Variants in ZFPM1 observed in about 807,000 individuals in gnomAD.
ZFPM1 encodes zinc finger protein ZFPM1.
Under a neutral mutation model 46.3 loss-of-function variants are expected in ZFPM1, and 28 were observed. The ratio of observed to expected loss-of-function variants is 0.60; its 90% confidence interval spans 0.45 to 0.83. The LOEUF is 0.83. Among genes scored for constraint, ZFPM1 ranks in the 40% least tolerant of loss-of-function variants. ZFPM1 has a pLI of 0.00. For synonymous variants in ZFPM1, 957 were observed against 675.9 expected (o/e 1.42, Z -6.45); for missense variants, 1,878 against 1,432.4 (o/e 1.31, Z -5.02).
At chr16:88,495,268 A>G (rs879719302) in intron 3 of ZFPM1, among the ~76,000 whole-genome samples, 3 of 152,196 alleles carry the variant, frequency 2.0e-5, no homozygotes, top group East Asian at 1.9e-4. Flanking sequence ...CTGGGCCACA[A>G]GGAAACAGGT....
intron 3 of ZFPM1, among the ~76,000 whole-genome samples, chr16:88,502,809 G>A (rs1386409218): frequency 6.6e-6 from 1 of 152,254 alleles, no homozygotes; most frequent in Non-Finnish European, 1.5e-5. Context: ...AATTTTTGCT[G>A]TCTTGCCACG....
intron 3 of ZFPM1, chr16:88,489,443 T>C: frequency 2.7e-6 from 1 of 367,566 alleles, no homozygotes; most frequent in Non-Finnish European, 4.9e-6. Flanking sequence ...GAGTGGTGGC[T>C]GGTAAAGAAT....
At chr16:88,483,996 C>T (rs1380942513) in intron 1 of ZFPM1, among the ~76,000 whole-genome samples, 1 of 152,224 alleles carries the variant, frequency 6.6e-6, no homozygotes, top group Admixed American at 6.5e-5. Context: ...TGGCGTTGGA[C>T]GCTGGCGGGT....
rs1202056905 is a variant in ZFPM1 at position 88,532,695 on chromosome 16, C to T, written c.1028C>T (p.Thr343Met). 6.2e-7 allele frequency: 1 copy of T among 1,610,538 alleles called. No individual in the cohort carries two copies. Among genetic ancestry groups the T allele is most frequent in the East Asian group, 2.2e-5 (1 of 44,772 alleles). The change falls in exon 8 of 10, where the codon ACG becomes ATG. Residue 343 changes from threonine to methionine, a missense_variant. Coordinates refer to ENST00000319555, the MANE Select transcript of ZFPM1 (RefSeq NM_153813.3). ...TGCGAGCGGCACCTCAAGGTGCACA[C>T]GGACACGCTGAGCGGTAGGCACCGC... is the stretch of plus-strand genomic sequence containing the variant. ...ANCERHLKVH[T>M]DTLSGVCHSC...
intron 3 of ZFPM1, among the ~76,000 whole-genome samples, chr16:88,498,342 A>G (rs1910058822): frequency 6.6e-6 from 1 of 152,298 alleles, no homozygotes; most frequent in South Asian, 2.1e-4. Context: ...GGCCAGGCGC[A>G]TATCAGGTGC....
At chr16:88,531,438 C>T (rs1017253267) in intron 6 of ZFPM1, among the ~76,000 whole-genome samples, 6 of 152,154 alleles carry the variant, frequency 3.9e-5, no homozygotes, top group African/African-American at 1.4e-4. Context: ...GACATGGAGC[C>T]GCCCAGGTGT....
rs1488792452 is a variant in ZFPM1 at position 88,534,723 on chromosome 16, G to T, written c.2765G>T (p.Gly922Val). Reference protein sequence around the residue: ...PGSRGPRDGLGPEPQEPPPGP... With the variant: ...PGSRGPRDGLVPEPQEPPPGP... Reference sequence around the variant, plus strand: ...TCCCGTGGCCCCCGGGACGGCCTCGGCCCGGAGCCCCAGGAGCCGCCGCCC... The same window carrying T: ...TCCCGTGGCCCCCGGGACGGCCTCGTCCCGGAGCCCCAGGAGCCGCCGCCC... Residue 922 changes from glycine (G) to valine (V), a missense_variant, in exon 10 of 10, where the codon GGC (glycine) becomes GTC (valine). Transcript: ENST00000319555. 2.1e-6 allele frequency: 2 copies of T among 974,774 alleles called. No homozygotes were observed. Among genetic ancestry groups the T allele is most frequent in the African/African-American group, 3.7e-5 (2 of 54,742 alleles). The allele number at this position is 974,774 out of a possible 1,614,324, so 60.4% of individuals were successfully genotyped here.
chr16:88,533,150 A>T lies in ZFPM1; in HGVS notation c.1192A>T (p.Ser398Cys). 6.7e-7 allele frequency: 1 copy of T among 1,492,850 alleles called. No individual in the cohort carries two copies. The highest frequency in any genetic ancestry group is 8.9e-7 in the Non-Finnish European group (1 of 1,128,044). The allele number at this position is 1,492,850 out of a possible 1,614,324, so 92.5% of individuals were successfully genotyped here. A position where few individuals can be genotyped will look rare whatever the true frequency, so the allele number is the denominator to read the frequency against. Reference sequence around the variant, plus strand: ...CCACCCCTGCGATCTCTCTGCAGACAGTCTGGGCAGCTTCCAGCAGCAGCA... The same window carrying T: ...CCACCCCTGCGATCTCTCTGCAGACTGTCTGGGCAGCTTCCAGCAGCAGCA... The part of the protein sequence containing the change: ...GHPATKLPPD[S>C]LGSFQQQHTA... The change falls in exon 10 of 10, where the codon AGT becomes TGT. Residue 398 changes from serine (S) to cysteine (C), a missense_variant and splice_region_variant. Ser to Cys is a moderately radical substitution (Grantham distance 112). Coordinates refer to ENST00000319555, the MANE Select transcript of ZFPM1 (RefSeq NM_153813.3).
At chr16:88,489,306 C>A in intron 3 of ZFPM1, 153 bp downstream of exon 3, 1 of 1,232,794 alleles carries the variant, frequency 8.1e-7, no homozygotes, top group Non-Finnish European at 1.1e-6. Flanking sequence ...CTCAGCCAAC[C>A]CGTGCAGCTG....
At position 88,536,736 on chromosome 16, in the gene ZFPM1, A is replaced by AC. The variant is rs1418085071; in HGVS notation, c.*1762dup. On this transcript the variant is annotated 3_prime_UTR_variant, in exon 10 of 10. Coordinates refer to ENST00000319555, the MANE Select transcript of ZFPM1 (RefSeq NM_153813.3). Reference sequence around the variant, plus strand: ...AGGCCAATGGACAGACATGGCTTCCACCCCCTCCCAGGGACCTGAGCTCCA... The same window carrying AC: ...AGGCCAATGGACAGACATGGCTTCCACCCCCCTCCCAGGGACCTGAGCTCCA... The AC allele has an allele frequency of 3.3e-5, 5 of 151,932 alleles. No homozygotes were observed. The highest frequency in any genetic ancestry group is 1.2e-4 in the African/African-American group (5 of 41,386). 9.4% of individuals were successfully genotyped at this position (151,932 alleles called of 1,614,324 possible).
At chr16:88,454,750 A>G (rs928625591) in intron 1 of ZFPM1, among the ~76,000 whole-genome samples, 1 of 152,214 alleles carries the variant, frequency 6.6e-6, no homozygotes, top group South Asian at 2.1e-4. Context: ...GCCCAGACGC[A>G]GGTCTTCCTC....
In ZFPM1 at chr16:88,501,174, A is replaced by G. The variant is rs878880382; in HGVS notation, c.268+12021A>G. ...GCTGGTGATGATGGAGATAGCAGAC[A>G]TGGGTGCGGGGGCCCTCCCGCAGGT... On this transcript the variant is annotated intron_variant, in intron 3 of 9. Transcript: ENST00000319555. Among the ~76,000 whole-genome samples, 180 of 95,372 alleles carry G rather than the reference A, an allele frequency of 1.9e-3. 9 individuals carry two copies. Among genetic ancestry groups the G allele is most frequent in the Non-Finnish European group, 3.3e-3 (147 of 44,560 alleles). The allele number at this position is 95,372 out of a possible 152,430, so 62.6% of individuals were successfully genotyped here. A position where few individuals can be genotyped will look rare whatever the true frequency, so the allele number is the denominator to read the frequency against.
In ZFPM1 at chr16:88,528,331, G is replaced by A. The variant is rs560279383; in HGVS notation, c.712+93G>A. ...GGTGGGAGCTGAGGGTGGGAAGCTCGGGGGCTGCAGGCTGCCGACAGAGTG... is the reference window on the plus strand; with the variant it reads ...GGTGGGAGCTGAGGGTGGGAAGCTCAGGGGCTGCAGGCTGCCGACAGAGTG... On this transcript the variant is annotated intron_variant, in intron 6 of 9. Coordinates refer to ENST00000319555, the MANE Select transcript of ZFPM1 (RefSeq NM_153813.3). 2,184 of 1,342,580 alleles carry A rather than the reference G, an allele frequency of 1.6e-3. 7 individuals carry two copies. Among genetic ancestry groups the A allele is most frequent in the Non-Finnish European group, 1.9e-3 (1,849 of 998,602 alleles). 83.2% of individuals were successfully genotyped at this position (1,342,580 alleles called of 1,614,324 possible). A position where few individuals can be genotyped will look rare whatever the true frequency, so the allele number is the denominator to read the frequency against.
At chr16:88,530,257 C>T (rs1032369302) in intron 6 of ZFPM1, among the ~76,000 whole-genome samples, 2 of 152,170 alleles carry the variant, frequency 1.3e-5, no homozygotes, top group Non-Finnish European at 1.5e-5. Context: ...CCAGCAGGGT[C>T]CTTGCCCACA....
intron 1 of ZFPM1, among the ~76,000 whole-genome samples, chr16:88,459,953 T>C (rs375483990): frequency 6.6e-6 from 1 of 151,204 alleles, no homozygotes; most frequent in Non-Finnish European, 1.5e-5. Flanking sequence ...CCCTCAACCC[T>C]GCTGCTCACA....
chr16:88,458,095 A>G (rs766875348), intron 1 of ZFPM1, among the ~76,000 whole-genome samples: 1 of 152,232 alleles, frequency 6.6e-6, no homozygotes, highest in Non-Finnish European at 1.5e-5. Flanking sequence ...ACTGAAGCAC[A>G]GAGAAGTTTC....
At chr16:88,502,235 GGGCT>G (rs1910403076) in intron 3 of ZFPM1, among the ~76,000 whole-genome samples, 3 of 152,116 alleles carry the variant, frequency 2.0e-5, no homozygotes, top group Admixed American at 2.0e-4. Flanking sequence ...ATCGGCTCGA[GGGCT>G]GGTCATATCC....
At chr16:88,455,926 G>T (rs1231371776) in intron 1 of ZFPM1, among the ~76,000 whole-genome samples, 1 of 152,162 alleles carries the variant, frequency 6.6e-6, no homozygotes. Context: ...CGCCCGAGTC[G>T]ATGTGAGCTC....
In ZFPM1 at chr16:88,469,251, C is replaced by T. The variant is rs559115746; in HGVS notation, c.40+15573C>T. ...TCTGCCAAGCTTCTGAAGTGCCGGC[C>T]GGGCCAGGGACGTGGCACCATCTTA... On this transcript the variant is annotated intron_variant, in intron 1 of 9. Transcript: ENST00000319555. The surrounding 1 kb of genome is among the most constrained non-coding windows in gnomAD (Gnocchi z 4.3). Among the ~76,000 whole-genome samples, 3 of 152,342 alleles carry T rather than the reference C, an allele frequency of 2.0e-5. No homozygotes were observed. Among genetic ancestry groups the T allele is most frequent in the Non-Finnish European group, 2.9e-5 (2 of 68,036 alleles).
Sources: gnomAD v4.1 joint callset for allele counts (sites outside exome capture counted in the v4.1 genomes callset) on GRCh38, gnomAD v4.1.1 for gene constraint, Gnocchi (gnomAD v3.1) non-coding constraint, MANE v1.5 for transcripts, NCBI Gene and HGNC (gene_info 2026-07-23, HGNC 2026-07-21) for gene names.